The following ERAP1 variants were observed in gnomAD, a reference collection of about 807,000 sequenced individuals.
ERAP1 encodes endoplasmic reticulum aminopeptidase 1, also known as adipocyte-derived leucine aminopeptidase.
ERAP1 carries 86 observed loss-of-function variants against 103.7 expected under a neutral mutation model. The ratio of observed to expected loss-of-function variants is 0.83; its 90% CI spans 0.70 to 0.99. ERAP1 has a LOEUF of 0.99. Ranked by LOEUF, ERAP1 falls within the 50% of genes least tolerant of loss-of-function variation. ERAP1 has a pLI of 0.00. For synonymous variants in ERAP1, 398 were observed against 402.4 expected, an observed-to-expected ratio of 0.99 and a Z score of 0.13; for missense variants, 1,009 against 1,128.4, an observed-to-expected ratio of 0.89 and a Z score of 1.52.
At chr5:96,807,665 GTCTCGCGCCCCGTCGCCTTCC>G (rs1778793999) in intron 1 of ERAP1, among the ~76,000 whole-genome samples, 174 bp downstream of exon 1, 1 of 150,980 alleles carries the variant, frequency 6.6e-6, no homozygotes, top group African/African-American at 2.4e-5. Flanking sequence ...CCCGCGCCCT[GTCTCGCGCCCCGTCGCCTTCC>G]TCCCGCGCCC....
chr5:96,848,200 T>C, the ERAP1 span, among the ~76,000 whole-genome samples: 4 of 152,032 alleles, frequency 2.6e-5, no homozygotes, highest in Non-Finnish European at 5.9e-5. Flanking sequence ...AGGTGTGCAC[T>C]ACCACACCTG....
the ERAP1 span, among the ~76,000 whole-genome samples, chr5:96,824,067 G>A: frequency 2.6e-5 from 4 of 152,174 alleles, no homozygotes; most frequent in Non-Finnish European, 4.4e-5. Context: ...AGAGGCACAA[G>A]ATTTTATCAC....
chr5:96,808,225 T>C (rs1402038967), upstream of ERAP1: 8 of 661,184 alleles, frequency 1.2e-5, no homozygotes, highest in Admixed American at 3.3e-4. Context: ...TGTGTGTGTG[T>C]GTGTGTGTGT....
the ERAP1 span, chr5:96,909,633 C>G: frequency 2.5e-6 from 4 of 1,614,144 alleles, no homozygotes; most frequent in Non-Finnish European, 3.4e-6. Context: ...GCTGGAGTGA[C>G]AAGGGCTCAG....
At chr5:96,806,018 C>G (rs1236151403) in intron 1 of ERAP1, 1 of 152,212 alleles carries the variant, frequency 6.6e-6, no homozygotes, top group Non-Finnish European at 1.5e-5. Context: ...TATGTCTCAA[C>G]GAGGATGCAG....
the ERAP1 span, among the ~76,000 whole-genome samples, chr5:96,815,292 A>T: frequency 2.0e-5 from 3 of 152,202 alleles, no homozygotes; most frequent in African/African-American, 7.2e-5. Context: ...TCCCATTCTA[A>T]AAGATGAAAA....
chr5:96,797,975 C>T (rs372014360), intron 3 of ERAP1, among the ~76,000 whole-genome samples: 6 of 152,118 alleles, frequency 3.9e-5, no homozygotes, highest in Non-Finnish European at 8.8e-5. Context: ...ATATACGCAA[C>T]GGGGAAAATA....
At chr5:96,841,230 G>GC in the ERAP1 span, among the ~76,000 whole-genome samples, 1 of 152,146 alleles carries the variant, frequency 6.6e-6, no homozygotes, top group Non-Finnish European at 1.5e-5. Flanking sequence ...TTGGGTGGCT[G>GC]CCCAGTTTAA....
chr5:96,908,614 A>T, the ERAP1 span, among the ~76,000 whole-genome samples: 4 of 152,242 alleles, frequency 2.6e-5, no homozygotes, highest in Non-Finnish European at 5.9e-5. Context: ...TTTGGTACTA[A>T]ATGTTAATAT....
At chr5:96,855,153 T>C in the ERAP1 span, among the ~76,000 whole-genome samples, 20 of 152,302 alleles carry the variant, frequency 1.3e-4, no homozygotes, top group Admixed American at 1.2e-3. Flanking sequence ...CCACATAACT[T>C]CCACTGACCT....
the ERAP1 span, among the ~76,000 whole-genome samples, chr5:96,820,999 T>C: frequency 6.6e-6 from 1 of 152,004 alleles, no homozygotes; most frequent in South Asian, 2.1e-4. Context: ...AGAAGAGAGA[T>C]TGATTCTAAG....
the ERAP1 span, among the ~76,000 whole-genome samples, chr5:96,815,207 T>TC: frequency 6.6e-6 from 1 of 152,202 alleles, no homozygotes; most frequent in East Asian, 1.9e-4. Context: ...ATTTGTTTTT[T>TC]CCCTTGGTTT....
the ERAP1 span, among the ~76,000 whole-genome samples, chr5:96,929,195 C>T: frequency 2.0e-5 from 3 of 152,184 alleles, no homozygotes; most frequent in Non-Finnish European, 4.4e-5. Flanking sequence ...TGCAAGTGTA[C>T]TTTACTTCCT....
the ERAP1 span, chr5:96,915,866 T>C: frequency 8.9e-7 from 1 of 1,119,862 alleles, no homozygotes; most frequent in East Asian, 2.6e-5. Context: ...GTTCTCATTT[T>C]AGTTTTTAAA....
At chr5:96,855,229 G>T in the ERAP1 span, among the ~76,000 whole-genome samples, 1 of 152,168 alleles carries the variant, frequency 6.6e-6, no homozygotes, top group African/African-American at 2.4e-5. Flanking sequence ...TGGGAGAACA[G>T]ACTATGATTG....
At chr5:96,912,857 C>T in the ERAP1 span, 1 of 1,414,168 alleles carries the variant, frequency 7.1e-7, no homozygotes, top group Non-Finnish European at 9.6e-7. Flanking sequence ...TCAGTGAAGT[C>T]ACTAAAACTT....
downstream of ERAP1, chr5:96,773,016 T>A (rs1206421550): frequency 1.3e-5 from 2 of 153,864 alleles, no homozygotes; most frequent in African/African-American, 2.4e-5. Flanking sequence ...TGCCCTTAAT[T>A]TTTTTTGTTA....
rs1423961691 is a variant in ERAP1, at chr5:96,761,051, T to C, written c.*2149A>G. 2.6e-5 allele frequency: 4 copies of C among 152,044 alleles called. No homozygotes were observed. In the East Asian group the frequency reaches 7.5e-4, roughly 29 times the overall value. 9.4% of individuals were successfully genotyped at this position (152,044 alleles called of 1,614,324 possible). Reference sequence around the variant, plus strand: ...CTCAAAGCATAGATCAATGAAAAAATTGAGAAATGGACATAAATGATTTAG... The same window carrying C: ...CTCAAAGCATAGATCAATGAAAAAACTGAGAAATGGACATAAATGATTTAG... On this transcript the variant is annotated 3_prime_UTR_variant, in exon 20 of 20. Coordinates refer to the ERAP1 transcript ENST00000296754.
intron 18 of ERAP1, among the ~76,000 whole-genome samples, chr5:96,778,303 AG>A (rs535517619): frequency 6.6e-5 from 10 of 152,228 alleles, no homozygotes; most frequent in Admixed American, 1.3e-4. Flanking sequence ...AAAATATGCC[AG>A]GGGTATGCTA....
Sources: allele counts gnomAD v4.1 joint callset (sites outside exome capture counted in the v4.1 genomes callset), GRCh38; gene constraint gnomAD v4.1.1; transcripts MANE v1.5; gene names NCBI Gene and HGNC (gene_info 2026-07-23, HGNC 2026-07-21).